The following FOXP1 variants were observed in gnomAD, a reference collection of about 807,000 sequenced individuals.
FOXP1 encodes the protein forkhead box protein P1.
In FOXP1, 15 loss-of-function variants were observed where a neutral mutation model predicts 98.2. The ratio of observed to expected loss-of-function variants is 0.15; its 90% CI spans 0.10 to 0.24. The LOEUF (loss-of-function observed/expected upper bound fraction) is 0.24, where lower values mean the gene tolerates loss of function less well. Among genes scored for constraint, FOXP1 ranks in the 10% least tolerant of loss-of-function variants. The probability of loss-of-function intolerance (pLI) is 1.00; values close to 1 mark genes in which losing one functional copy is unlikely to be tolerated. For missense variants in FOXP1, 633 were observed against 848.5 expected (o/e 0.75, Z 3.15); for synonymous variants, 371 against 314.5 (o/e 1.18, Z -1.90).
intron 3 of FOXP1, among the ~76,000 whole-genome samples, chr3:71,430,726 T>C (rs1244259592): frequency 6.6e-6 from 1 of 152,044 alleles, no homozygotes; most frequent in Non-Finnish European, 1.5e-5. Context: ...TCTAGGAAAA[T>C]AAAGAGAGAA....
At chr3:71,307,851 T>G (rs2074386759) in intron 4 of FOXP1, among the ~76,000 whole-genome samples, 1 of 152,208 alleles carries the variant, frequency 6.6e-6, no homozygotes, top group African/African-American at 2.4e-5. Context: ...GAATATATTA[T>G]ACAATTATAG....
chr3:71,356,456 G>A (rs967329412), intron 4 of FOXP1, among the ~76,000 whole-genome samples: 7 of 152,114 alleles, frequency 4.6e-5, no homozygotes, highest in East Asian at 3.9e-4. Context: ...GTAAAACAAC[G>A]ACCAGTGAAC....
chr3:71,255,921 A>C (rs2107119855), intron 5 of FOXP1, among the ~76,000 whole-genome samples: 1 of 152,302 alleles, frequency 6.6e-6, no homozygotes, highest in East Asian at 1.9e-4. Context: ...AAAAGTAAAG[A>C]TTATTAGGGA....
intron 6 of FOXP1, among the ~76,000 whole-genome samples, chr3:71,193,679 C>A (rs553474911): frequency 3.1e-4 from 47 of 151,674 alleles, no homozygotes; most frequent in African/African-American, 1.1e-3. Flanking sequence ...CAACTCCTGG[C>A]CCCAAGTGAT....
At chr3:71,253,806 G>A (rs1176206368) in intron 5 of FOXP1, among the ~76,000 whole-genome samples, 2 of 152,168 alleles carry the variant, frequency 1.3e-5, no homozygotes, top group East Asian at 1.9e-4. Context: ...GTATGTACCC[G>A]TTAAAAATGT....
chr3:71,026,465 G>C (rs916652191), intron 11 of FOXP1, among the ~76,000 whole-genome samples: 1 of 152,154 alleles, frequency 6.6e-6, no homozygotes, highest in Non-Finnish European at 1.5e-5. Context: ...TTTCACAGGG[G>C]ATGGCAGAGC....
At chr3:71,454,406 A>G (rs1577601429) in intron 3 of FOXP1, among the ~76,000 whole-genome samples, 1 of 152,222 alleles carries the variant, frequency 6.6e-6, no homozygotes, top group African/African-American at 2.4e-5. Context: ...TAAGGCACAG[A>G]GAGAGACAGG....
chr3:71,184,012 C>T (rs528093050), intron 6 of FOXP1, among the ~76,000 whole-genome samples: 15 of 152,130 alleles, frequency 9.9e-5, no homozygotes, highest in Non-Finnish European at 2.1e-4. Flanking sequence ...ATTAGCCCGG[C>T]GAGGTGGTGC....
chr3:71,047,236 A>C, intron 9 of FOXP1, 141 bp from the exon 10 acceptor site: 1 of 937,078 alleles, frequency 1.1e-6, no homozygotes, highest in East Asian at 2.5e-5. Flanking sequence ...TCAAGGTTTA[A>C]AAGGGACAAA....
At chr3:71,212,831 A>G (rs527831918) in intron 5 of FOXP1, among the ~76,000 whole-genome samples, 1 of 152,266 alleles carries the variant, frequency 6.6e-6, no homozygotes, top group South Asian at 2.1e-4. Context: ...AGAAATTGCT[A>G]TAATTTAAAG....
chr3:71,089,599 T>C (rs1238829797), intron 7 of FOXP1, among the ~76,000 whole-genome samples: 1 of 152,166 alleles, frequency 6.6e-6, no homozygotes, highest in Non-Finnish European at 1.5e-5. Flanking sequence ...CACACTTTCT[T>C]CCTGCAGGAA....
chr3:71,066,917 C>G (rs2052587574), intron 7 of FOXP1, among the ~76,000 whole-genome samples: 1 of 152,138 alleles, frequency 6.6e-6, no homozygotes, highest in African/African-American at 2.4e-5. Context: ...CGCTCATGAC[C>G]CAGCTGTGGA....
intron 6 of FOXP1, among the ~76,000 whole-genome samples, chr3:71,174,828 C>A (rs897871522): frequency 3.9e-4 from 41 of 105,132 alleles, no homozygotes; most frequent in Admixed American, 7.0e-4. Context: ...ACACACACAC[C>A]CCAATATACC....
intron 9 of FOXP1, among the ~76,000 whole-genome samples, chr3:71,052,303 C>T (rs1183406483): frequency 1.3e-5 from 2 of 152,324 alleles, no homozygotes; most frequent in East Asian, 3.9e-4. Flanking sequence ...AACGATGCCT[C>T]TCCTGCTCCT....
At chr3:71,220,701 C>T (rs1391888658) in intron 5 of FOXP1, among the ~76,000 whole-genome samples, 5 of 151,692 alleles carry the variant, frequency 3.3e-5, no homozygotes, top group South Asian at 2.1e-4. Flanking sequence ...TGCAGTGAGC[C>T]GAGATCGCAC....
chr3:71,518,307 A>G (rs1387575488), intron 2 of FOXP1, among the ~76,000 whole-genome samples: 1 of 152,192 alleles, frequency 6.6e-6, no homozygotes, highest in Non-Finnish European at 1.5e-5. Context: ...ACAGAATTCT[A>G]CAGATGAGAA....
intron 5 of FOXP1, among the ~76,000 whole-genome samples, chr3:71,247,721 C>T (rs749428990): frequency 2.6e-5 from 4 of 152,156 alleles, no homozygotes; most frequent in Non-Finnish European, 5.9e-5. Flanking sequence ...TTTGGGGAAA[C>T]GCCCATTCTC....
At chr3:71,008,810 A>C (rs1361920698) in intron 12 of FOXP1, among the ~76,000 whole-genome samples, 1 of 152,058 alleles carries the variant, frequency 6.6e-6, no homozygotes. Flanking sequence ...GAAAAGTGTC[A>C]AATCTCTGGT....
intron 10 of FOXP1, among the ~76,000 whole-genome samples, chr3:71,046,510 A>T (rs1374244987): frequency 1.3e-5 from 2 of 152,218 alleles, no homozygotes; most frequent in Non-Finnish European, 1.5e-5. Context: ...TTATCCCTAG[A>T]TATTAAAACA....
Sources: allele counts gnomAD v4.1 joint callset (sites outside exome capture counted in the v4.1 genomes callset), GRCh38; gene constraint gnomAD v4.1.1; transcripts MANE v1.5; gene names NCBI Gene and HGNC (gene_info 2026-07-23, HGNC 2026-07-21).